LRRC4C: variants seen among roughly 807,000 people sequenced by gnomAD.
The protein encoded by LRRC4C is leucine rich repeat containing 4C.
In LRRC4C, 5 loss-of-function variants were observed where a neutral mutation model predicts 33.6. The ratio of observed to expected loss-of-function variants is 0.15; its 90% CI spans 0.08 to 0.31. The LOEUF (loss-of-function observed/expected upper bound fraction) is 0.31. LRRC4C is among the 10% of genes least tolerant of loss of function. The probability of loss-of-function intolerance (pLI) is 1.00; values close to 1 mark genes in which losing one functional copy is unlikely to be tolerated. For synonymous variants in LRRC4C, 329 were observed against 302.0 expected, an observed-to-expected ratio of 1.09 and a Z score of -0.93; for missense variants, 560 against 796.7, an observed-to-expected ratio of 0.70 and a Z score of 3.58.
chr11:40,353,279 T>C (rs1947500441), intron 3 of LRRC4C, among the ~76,000 whole-genome samples: 2 of 152,172 alleles, frequency 1.3e-5, no homozygotes, highest in Non-Finnish European at 2.9e-5. Flanking sequence ...TTCTTTCTTC[T>C]TTTGTCTTCT....
intron 1 of LRRC4C, among the ~76,000 whole-genome samples, chr11:41,440,949 C>T (rs1590288576): frequency 6.6e-6 from 1 of 152,092 alleles, no homozygotes; most frequent in African/African-American, 2.4e-5. Flanking sequence ...CAGGTAGTAT[C>T]TTTATAGCAG....
At chr11:40,350,975 GT>G (rs527571742) in intron 3 of LRRC4C, among the ~76,000 whole-genome samples, 64 of 152,042 alleles carry the variant, frequency 4.2e-4, no homozygotes, top group African/African-American at 1.5e-3. Context: ...AGTTTTAACA[GT>G]TTTTTTGATG....
intron 2 of LRRC4C, among the ~76,000 whole-genome samples, chr11:40,867,413 A>G (rs1435802525): frequency 6.6e-6 from 1 of 152,202 alleles, no homozygotes; most frequent in African/African-American, 2.4e-5. Context: ...TGTCTCTGGA[A>G]GTGACTATGA....
In LRRC4C at chr11:40,536,184, G is replaced by A. The variant is rs189986463; in HGVS notation, c.-270+111958C>T. Among the ~76,000 whole-genome samples the A allele has an allele frequency of 1.3e-3, 196 of 152,134 alleles. 2 individuals carry two copies. The highest frequency in any genetic ancestry group is 5.2e-3 in the Admixed American group (79 of 15,282). ...CAGAAACTAGGTATAAGGCTGAACA[G>A]CCTCTTTTTTTTTTCTTTTCTTTTC... On this transcript the variant is annotated intron_variant, in intron 3 of 6. Coordinates refer to ENST00000528697, the MANE Select transcript of LRRC4C (RefSeq NM_001258419.2).
chr11:40,763,379 G>T (rs904267829), intron 2 of LRRC4C, among the ~76,000 whole-genome samples: 7 of 151,992 alleles, frequency 4.6e-5, no homozygotes, highest in Non-Finnish European at 7.4e-5. Flanking sequence ...TATAAATAGG[G>T]CAGGAGGCAG....
chr11:40,401,223 C>T (rs893356528), intron 3 of LRRC4C, among the ~76,000 whole-genome samples: 5 of 151,690 alleles, frequency 3.3e-5, no homozygotes, highest in African/African-American at 1.2e-4. Flanking sequence ...TACAATCAGT[C>T]AGTCAATCTC....
chr11:40,546,376 A>C (rs985142676), intron 3 of LRRC4C, among the ~76,000 whole-genome samples: 1 of 151,976 alleles, frequency 6.6e-6, no homozygotes, highest in Non-Finnish European at 1.5e-5. Flanking sequence ...ACCACCTTCT[A>C]TCTGTATTAC....
intron 1 of LRRC4C, among the ~76,000 whole-genome samples, chr11:41,070,963 T>A (rs1160870439): frequency 6.6e-6 from 1 of 152,182 alleles, no homozygotes; most frequent in South Asian, 2.1e-4. Flanking sequence ...GTATGCTTAT[T>A]ACAGCACTAT....
chr11:40,961,507 T>C (rs1162741939), intron 1 of LRRC4C, among the ~76,000 whole-genome samples: 2 of 151,758 alleles, frequency 1.3e-5, no homozygotes, highest in African/African-American at 4.8e-5. Context: ...ACTTTTAAAA[T>C]ATGCATAACT....
Position 40,348,283 on chromosome 11 carries a change from A to AC in LRRC4C, c.-269-28563dup, listed in dbSNP as rs199981292. 1.9e-4 allele frequency among the ~76,000 whole-genome samples: 29 copies of AC among 151,714 alleles called. No individual in the cohort carries two copies. In the East Asian group the frequency reaches 5.3e-3, roughly 27 times the overall value. Reference sequence around the variant, plus strand: ...AACCTTCAATTTGTTAAAAAAAAAAACCCAAAAAATCTGTGAAGCACAATA... The same window carrying AC: ...AACCTTCAATTTGTTAAAAAAAAAAACCCCAAAAAATCTGTGAAGCACAATA... On this transcript the variant is annotated intron_variant, in intron 3 of 6. Coordinates refer to ENST00000528697, the MANE Select transcript of LRRC4C (RefSeq NM_001258419.2).
chr11:40,792,005 A>G (rs1950642073), intron 2 of LRRC4C, among the ~76,000 whole-genome samples: 1 of 152,070 alleles, frequency 6.6e-6, no homozygotes, highest in African/African-American at 2.4e-5. Context: ...AAAAAAAAGT[A>G]TATATTATTT....
chr11:40,679,647 C>G (rs1944578110), intron 2 of LRRC4C, among the ~76,000 whole-genome samples: 1 of 152,132 alleles, frequency 6.6e-6, no homozygotes, highest in Non-Finnish European at 1.5e-5. Context: ...AAGCCCCAAG[C>G]CTTGGCAGCT....
intron 1 of LRRC4C, among the ~76,000 whole-genome samples, chr11:41,258,335 T>C (rs1326425581): frequency 6.6e-6 from 1 of 152,036 alleles, no homozygotes; most frequent in Non-Finnish European, 1.5e-5. Context: ...TGGTATATGT[T>C]AGCCTTCACG....
intron 1 of LRRC4C, among the ~76,000 whole-genome samples, chr11:41,376,991 T>C (rs890344045): frequency 3.3e-5 from 5 of 152,112 alleles, no homozygotes; most frequent in African/African-American, 1.2e-4. Context: ...ATAAAATGGG[T>C]TAAATCTAAC....
intron 5 of LRRC4C, among the ~76,000 whole-genome samples, chr11:40,236,285 AGCAGCTGCTGGC>A (rs1865548780): frequency 6.6e-6 from 1 of 152,254 alleles, no homozygotes; most frequent in Non-Finnish European, 1.5e-5. Context: ...TAAAGAGAAC[AGCAGCTGCTGGC>A]TTAAGGAGCT....
intron 1 of LRRC4C, among the ~76,000 whole-genome samples, chr11:40,965,427 A>G (rs1851281319): frequency 6.6e-6 from 1 of 151,958 alleles, no homozygotes; most frequent in African/African-American, 2.4e-5. Context: ...GGTGTTTTAG[A>G]CATGAAGTCC....
At chr11:40,628,885 G>A (rs1027939587) in intron 3 of LRRC4C, among the ~76,000 whole-genome samples, 2 of 152,096 alleles carry the variant, frequency 1.3e-5, no homozygotes, top group South Asian at 2.1e-4. Context: ...TTAGTACATT[G>A]ATTAATTTTC....
At chr11:40,464,032 A>G (rs907019120) in intron 3 of LRRC4C, among the ~76,000 whole-genome samples, 6 of 152,036 alleles carry the variant, frequency 3.9e-5, no homozygotes, top group African/African-American at 1.4e-4. Flanking sequence ...CACAACAACA[A>G]CAAAGTAAAA....
At chr11:40,586,584 C>T (rs1410183286) in intron 3 of LRRC4C, among the ~76,000 whole-genome samples, 1 of 149,066 alleles carries the variant, frequency 6.7e-6, no homozygotes, top group East Asian at 1.9e-4. Context: ...CCTAGGTTTT[C>T]TTCTAGGGTT....
Sources: gnomAD v4.1 joint callset for allele counts (sites outside exome capture counted in the v4.1 genomes callset) on GRCh38, gnomAD v4.1.1 for gene constraint, MANE v1.5 for transcripts, NCBI Gene and HGNC (gene_info 2026-07-23, HGNC 2026-07-21) for gene names.